The following TJP1 variants were observed in gnomAD, a reference collection of about 807,000 sequenced individuals.
TJP1 encodes the protein tight junction protein ZO-1.
TJP1 carries 43 observed loss-of-function variants against 194.2 expected under a neutral mutation model. The ratio of observed to expected loss-of-function variants is 0.22; its 90% CI spans 0.17 to 0.29. TJP1 has a LOEUF of 0.29. Ranked by LOEUF, TJP1 falls within the 10% of genes least tolerant of loss-of-function variation. The pLI is 1.00. For missense variants in TJP1, 1,971 were observed against 2,185.7 expected (o/e 0.90, Z 1.96); for synonymous variants, 801 against 779.0 (o/e 1.03, Z -0.47).
intron 2 of TJP1, among the ~76,000 whole-genome samples, chr15:29,866,290 G>A (rs574070707): frequency 7.7e-4 from 117 of 152,168 alleles, no homozygotes; most frequent in Middle Eastern, 3.4e-3. Context: ...ACATTTTTCC[G>A]TCACAAATTT....
chr15:29,962,966 C>G (rs1205516879), intron 1 of TJP1, among the ~76,000 whole-genome samples: 1 of 152,036 alleles, frequency 6.6e-6, no homozygotes, highest in Non-Finnish European at 1.5e-5. Context: ...ATGGTGAAAC[C>G]CCGTCTCTAC....
At position 29,800,852 on chromosome 15, in the gene TJP1, A is replaced by T. The variant is rs560144116; in HGVS notation, c.28-150T>A. On this transcript the variant is annotated intron_variant, in intron 1 of 27. Transcript: ENST00000614355. ...TCTGAAAGGACCTTAATAATTATGGAAAGTTTTTTGTTTGCTTTTAAGAGA... is the reference window on the plus strand; with the variant it reads ...TCTGAAAGGACCTTAATAATTATGGTAAGTTTTTTGTTTGCTTTTAAGAGA... 1.5e-5 allele frequency: 11 copies of T among 725,284 alleles called. No homozygotes were observed. In the African/African-American group the frequency reaches 1.8e-4, roughly 12 times the overall value. The allele number at this position is 725,284 out of a possible 1,614,324, so 44.9% of individuals were successfully genotyped here.
chr15:29,860,001 C>T (rs1211618189), intron 2 of TJP1, among the ~76,000 whole-genome samples: 5 of 152,104 alleles, frequency 3.3e-5, no homozygotes, highest in African/African-American at 4.8e-5. Flanking sequence ...TCTGAGGAAC[C>T]GGGTTCAAAG....
chr15:29,948,606 G>A (rs141944451), intron 2 of TJP1, among the ~76,000 whole-genome samples: 190 of 152,240 alleles, frequency 1.2e-3, no homozygotes, highest in African/African-American at 4.4e-3. Flanking sequence ...CCTTGTGGAC[G>A]TGAGGCCTGA....
At chr15:29,939,759 C>T (rs1453569901) in intron 2 of TJP1, among the ~76,000 whole-genome samples, 3 of 152,122 alleles carry the variant, frequency 2.0e-5, no homozygotes, top group East Asian at 3.9e-4. Context: ...AGTGCCCTTA[C>T]AAAAAAGGCC....
intron 2 of TJP1, among the ~76,000 whole-genome samples, chr15:29,781,077 A>T (rs540241138): frequency 9.9e-5 from 15 of 152,242 alleles, no homozygotes; most frequent in African/African-American, 3.1e-4. Context: ...AAAAATCAGT[A>T]AGATAAACTA....
At chr15:29,901,649 C>T (rs2053637511) in intron 2 of TJP1, among the ~76,000 whole-genome samples, 1 of 152,006 alleles carries the variant, frequency 6.6e-6, no homozygotes, top group Non-Finnish European at 1.5e-5. Flanking sequence ...TGGTGAAACC[C>T]CATCTCTACT....
intron 26 of TJP1, 75 bp downstream of exon 26, chr15:29,705,453 G>GCA (rs2041832527): frequency 7.0e-7 from 1 of 1,429,170 alleles, no homozygotes; most frequent in African/African-American, 1.4e-5. Context: ...TATTAGCCAA[G>GCA]CACTATAAGC....
rs149438077 is a variant in TJP1, at chr15:29,942,170, A to G, written c.306+14062T>C. 6.9e-3 allele frequency among the ~76,000 whole-genome samples: 1,047 copies of G among 152,350 alleles called. 7 individuals are homozygous for G. The highest frequency in any genetic ancestry group is 0.022 in the South Asian group (108 of 4,832). On this transcript the variant is annotated intron_variant, in intron 2 of 28. Coordinates refer to the TJP1 transcript ENST00000356107. ...TAAGACCCAAATTTCTAAAAGGCCT[A>G]TATTTTCTTCTCAGTTCTGATGAAT...
intron 2 of TJP1, among the ~76,000 whole-genome samples, chr15:29,850,163 C>A (rs189585214): frequency 1.2e-4 from 18 of 152,230 alleles, no homozygotes; most frequent in Admixed American, 9.2e-4. Flanking sequence ...AAAATTAACT[C>A]AAAAACGTAT....
chr15:29,934,702 C>T (rs2054827376), intron 2 of TJP1, among the ~76,000 whole-genome samples: 2 of 152,160 alleles, frequency 1.3e-5, no homozygotes, highest in Admixed American at 1.3e-4. Context: ...AGAACATTTA[C>T]CTTCTATGTG....
chr15:29,965,198 T>TAAAAAAAAAAAA (rs1293688584), intron 1 of TJP1, among the ~76,000 whole-genome samples: 4 of 97,144 alleles, frequency 4.1e-5, no homozygotes, highest in African/African-American at 1.2e-4. Context: ...TTTATTTATT[T>TAAAAAAAAAAAA]ATTTATTTAT....
chr15:29,867,985 G>A (rs2052366302), intron 2 of TJP1, among the ~76,000 whole-genome samples: 1 of 151,056 alleles, frequency 6.6e-6, no homozygotes, highest in East Asian at 1.9e-4. Flanking sequence ...GAGCTCAGGA[G>A]GCAGAGAGGT....
chr15:29,902,292 T>C (rs550653402), intron 2 of TJP1, among the ~76,000 whole-genome samples: 11 of 152,260 alleles, frequency 7.2e-5, no homozygotes, highest in African/African-American at 2.6e-4. Flanking sequence ...ATTCAACTGC[T>C]TGGAAAAAAT....
intron 5 of TJP1, among the ~76,000 whole-genome samples, chr15:29,763,151 C>A (rs2046114896): frequency 6.6e-6 from 1 of 152,138 alleles, no homozygotes; most frequent in African/African-American, 2.4e-5. Flanking sequence ...TAATGCCAAT[C>A]CTTTCCTTTA....
At chr15:29,807,841 T>A (rs942966652) in intron 1 of TJP1, among the ~76,000 whole-genome samples, 1 of 152,060 alleles carries the variant, frequency 6.6e-6, no homozygotes, top group African/African-American at 2.4e-5. Flanking sequence ...TTGGAAAAAA[T>A]ATTTACGTAC....
chr15:29,899,868 A>G (rs530341816), intron 2 of TJP1, among the ~76,000 whole-genome samples: 1 of 152,284 alleles, frequency 6.6e-6, no homozygotes, highest in African/African-American at 2.4e-5. Context: ...GGAAATATTT[A>G]TTTACATTTT....
At chr15:29,876,072 T>C (rs926687352) in intron 2 of TJP1, among the ~76,000 whole-genome samples, 6 of 152,202 alleles carry the variant, frequency 3.9e-5, no homozygotes, top group Admixed American at 2.0e-4. Flanking sequence ...AAATAACCCA[T>C]AGTCTCATGT....
intron 2 of TJP1, among the ~76,000 whole-genome samples, chr15:29,934,787 A>G (rs1348912984): frequency 6.6e-6 from 1 of 152,246 alleles, no homozygotes; most frequent in African/African-American, 2.4e-5. Context: ...ACAAACTTAT[A>G]TTAGAGACAA....
Sources: gnomAD v4.1 joint callset for allele counts (sites outside exome capture counted in the v4.1 genomes callset) on GRCh38, gnomAD v4.1.1 for gene constraint, MANE v1.5 for transcripts, NCBI Gene and HGNC (gene_info 2026-07-23, HGNC 2026-07-21) for gene names.